RAB28: variants seen among roughly 807,000 people sequenced by gnomAD.
The protein encoded by RAB28 is ras-related protein Rab-28.
Under a neutral mutation model 31.7 loss-of-function variants are expected in RAB28, and 24 were observed. The ratio of observed to expected loss-of-function variants is 0.76; its 90% CI spans 0.55 to 1.06. RAB28 has a LOEUF of 1.06. Ranked by LOEUF, RAB28 falls within the 50% of genes least tolerant of loss-of-function variation. The pLI is 0.00. For missense variants in RAB28, 254 were observed against 258.5 expected, an observed-to-expected ratio of 0.98 and a Z score of 0.12; for synonymous variants, 100 against 90.4, an observed-to-expected ratio of 1.11 and a Z score of -0.60.
At chr4:13,409,616 G>A (rs1278522609) in intron 4 of RAB28, among the ~76,000 whole-genome samples, 1 of 152,152 alleles carries the variant, frequency 6.6e-6, no homozygotes, top group Non-Finnish European at 1.5e-5. Flanking sequence ...ACATCTATAA[G>A]GTCAGCTAGC....
At chr4:13,428,634 A>T (rs1043031775) in intron 4 of RAB28, among the ~76,000 whole-genome samples, 5 of 152,224 alleles carry the variant, frequency 3.3e-5, no homozygotes, top group African/African-American at 1.2e-4. Flanking sequence ...GAACAGAAAG[A>T]AAAGAAGTGA....
Position 13,468,853 on chromosome 4 carries a change from G to A in RAB28, c.261+5465C>T, listed in dbSNP as rs1233685752. Among the ~76,000 whole-genome samples the A allele has an allele frequency of 2.0e-5, 3 of 150,290 alleles. No homozygotes were observed. In the South Asian group the frequency reaches 6.3e-4, roughly 31 times the overall value. On this transcript the variant is annotated intron_variant, in intron 3 of 6. Transcript: ENST00000330852. The stretch of plus-strand genomic sequence containing the variant: ...CTAACCAAAAACAAAGGGAGGGAGA[G>A]AGAAGACACATATTAACAACAGTAA...
intron 4 of RAB28, among the ~76,000 whole-genome samples, chr4:13,393,848 C>T (rs369073626): frequency 9.8e-6 from 1 of 101,648 alleles, no homozygotes; most frequent in African/African-American, 3.7e-5. Context: ...TATAAAATCA[C>T]AGGCTACAAA....
chr4:13,456,542 G>A (rs980681508), intron 4 of RAB28, among the ~76,000 whole-genome samples: 11 of 152,134 alleles, frequency 7.2e-5, no homozygotes, highest in African/African-American at 2.4e-4. Flanking sequence ...GCATAAAAAC[G>A]TAAAGTAACT....
chr4:13,443,486 A>G (rs975061114), intron 4 of RAB28, among the ~76,000 whole-genome samples: 3 of 152,202 alleles, frequency 2.0e-5, no homozygotes, highest in Non-Finnish European at 4.4e-5. Context: ...TGCTTTTTAC[A>G]TAATCTTATG....
chr4:13,368,229 T>C lies in RAB28; in HGVS notation c.*329A>G, dbSNP rs1728582987. 1 of 1,001,594 alleles carries C rather than the reference T, an allele frequency of 1.0e-6. No individual in the cohort carries two copies. Among genetic ancestry groups the C allele is most frequent in the Non-Finnish European group, 1.2e-6 (1 of 841,320 alleles). 62.0% of individuals were successfully genotyped at this position (1,001,594 alleles called of 1,614,324 possible). A position where few individuals can be genotyped will look rare whatever the true frequency, so the allele number is the denominator to read the frequency against. The stretch of plus-strand genomic sequence containing the variant: ...TGGCTGATGATCAAGACTTGGAGAG[T>C]TTTCATATTAAGTTAAAAAAATTTA... On this transcript the variant is annotated 3_prime_UTR_variant, in exon 7 of 7. Coordinates refer to ENST00000330852, the MANE Select transcript of RAB28 (RefSeq NM_001017979.3).
chr4:13,379,185 G>A (rs1359563824), intron 5 of RAB28, among the ~76,000 whole-genome samples: 1 of 140,942 alleles, frequency 7.1e-6, no homozygotes, highest in Non-Finnish European at 1.5e-5. Context: ...CAGCCCGGAG[G>A]ACACAGTGAA....
chr4:13,413,954 A>G (rs577532795), intron 4 of RAB28, among the ~76,000 whole-genome samples: 42 of 152,114 alleles, frequency 2.8e-4, no homozygotes, highest in Non-Finnish European at 1.2e-4. Context: ...TCTAGGAGCT[A>G]TTTTCTCCTC....
chr4:13,474,127 C>T (rs749593880), intron 3 of RAB28, 191 bp downstream of exon 3: 1 of 724,640 alleles, frequency 1.4e-6, no homozygotes, highest in Non-Finnish European at 2.5e-6. Flanking sequence ...TGTTCCCTCA[C>T]CCAAATCACT....
chr4:13,412,669 G>A (rs1202904723), intron 4 of RAB28, among the ~76,000 whole-genome samples: 1 of 151,698 alleles, frequency 6.6e-6, no homozygotes, highest in Non-Finnish European at 1.5e-5. Flanking sequence ...TTATACAAAG[G>A]CACAACAAGA....
At chr4:13,474,437 G>A (rs779879139) in intron 2 of RAB28, 31 bp from the exon 3 acceptor site, 2 of 1,309,208 alleles carry the variant, frequency 1.5e-6, no homozygotes, top group Non-Finnish European at 2.2e-6. Flanking sequence ...ATAAAAATAA[G>A]AATACCAAAA....
chr4:13,464,567 C>T (rs1312089022), intron 3 of RAB28, among the ~76,000 whole-genome samples: 1 of 152,090 alleles, frequency 6.6e-6, no homozygotes, highest in African/African-American at 2.4e-5. Flanking sequence ...AGGGCACCAA[C>T]ATCTGAAAGA....
chr4:13,481,203 T>C (rs1346334250), intron 1 of RAB28, among the ~76,000 whole-genome samples: 1 of 152,042 alleles, frequency 6.6e-6, no homozygotes, highest in Non-Finnish European at 1.5e-5. Context: ...AAGCCCTGCT[T>C]TCACACTTTT....
At chr4:13,430,783 C>G (rs1181315396) in intron 4 of RAB28, among the ~76,000 whole-genome samples, 2 of 152,154 alleles carry the variant, frequency 1.3e-5, no homozygotes, top group African/African-American at 4.8e-5. Context: ...AGACCAGAAG[C>G]TCCCCAGGGA....
At chr4:13,398,288 A>C (rs1711542511) in intron 4 of RAB28, among the ~76,000 whole-genome samples, 1 of 152,194 alleles carries the variant, frequency 6.6e-6, no homozygotes, top group African/African-American at 2.4e-5. Flanking sequence ...GGCATTTACC[A>C]CAAGAATTCC....
intron 4 of RAB28, among the ~76,000 whole-genome samples, chr4:13,454,263 T>C (rs1715166393): frequency 6.6e-6 from 1 of 152,132 alleles, no homozygotes; most frequent in South Asian, 2.1e-4. Flanking sequence ...TGTTGAATTT[T>C]CTACCTATAT....
intron 3 of RAB28, among the ~76,000 whole-genome samples, chr4:13,470,156 G>A (rs1321744222): frequency 6.6e-6 from 1 of 151,996 alleles, no homozygotes; most frequent in South Asian, 2.1e-4. Context: ...CAAAATGCAG[G>A]TTATTTGTTT....
chr4:13,461,677 T>C (rs1477416738), intron 3 of RAB28, among the ~76,000 whole-genome samples: 1 of 152,234 alleles, frequency 6.6e-6, no homozygotes, highest in African/African-American at 2.4e-5. Flanking sequence ...CTCATTATTT[T>C]GTGTGGGAAG....
intron 4 of RAB28, among the ~76,000 whole-genome samples, chr4:13,400,940 T>C (rs942781899): frequency 6.6e-6 from 1 of 152,174 alleles, no homozygotes; most frequent in Non-Finnish European, 1.5e-5. Flanking sequence ...TATAGTACCC[T>C]TTGTATTGCT....
Sources: gnomAD v4.1 joint callset for allele counts (sites outside exome capture counted in the v4.1 genomes callset) on GRCh38, gnomAD v4.1.1 for gene constraint, MANE v1.5 for transcripts, NCBI Gene and HGNC (gene_info 2026-07-23, HGNC 2026-07-21) for gene names.